PRKG1: variants seen among roughly 807,000 people sequenced by gnomAD.
The protein encoded by PRKG1 is cGMP-dependent protein kinase 1.
Under a neutral mutation model 88.1 loss-of-function variants are expected in PRKG1, and 35 were observed. The ratio of observed to expected loss-of-function variants is 0.40; its 90% confidence interval spans 0.30 to 0.53. The LOEUF is 0.53. Among genes scored for constraint, PRKG1 ranks in the 20% least tolerant of loss-of-function variants. The probability of loss-of-function intolerance (pLI) is 0.59; values close to 1 mark genes in which losing one functional copy is unlikely to be tolerated. For synonymous variants in PRKG1, 303 were observed against 292.5 expected (o/e 1.04, Z -0.37); for missense variants, 540 against 839.8 (o/e 0.64, Z 4.41).
At chr10:51,162,209 C>A (rs1032810345) in intron 2 of PRKG1, among the ~76,000 whole-genome samples, 1 of 152,290 alleles carries the variant, frequency 6.6e-6, no homozygotes, top group Non-Finnish European at 1.5e-5. Context: ...GGGGAGCTTA[C>A]TGGTGTGGCT....
At chr10:51,030,178 T>C (rs755866508) in intron 1 of PRKG1, among the ~76,000 whole-genome samples, 1 of 152,064 alleles carries the variant, frequency 6.6e-6, no homozygotes, top group Non-Finnish European at 1.5e-5. Flanking sequence ...TAGGGTCAAA[T>C]AAATACCAAT....
At chr10:51,288,242 C>T (rs1393573988) in intron 2 of PRKG1, among the ~76,000 whole-genome samples, 4 of 151,792 alleles carry the variant, frequency 2.6e-5, no homozygotes, top group Non-Finnish European at 1.5e-5. Flanking sequence ...GTGTGCTTTT[C>T]GGGAGTCACA....
At chr10:51,850,901 A>G (rs1040275232) in intron 4 of PRKG1, among the ~76,000 whole-genome samples, 2 of 152,082 alleles carry the variant, frequency 1.3e-5, no homozygotes, top group East Asian at 3.9e-4. Flanking sequence ...TGAAAAAAAG[A>G]CTCTACTGGA....
chr10:51,595,986 A>G (rs1237454643), intron 3 of PRKG1, among the ~76,000 whole-genome samples: 1 of 151,926 alleles, frequency 6.6e-6, no homozygotes, highest in Non-Finnish European at 1.5e-5. Flanking sequence ...GCCTGCCACC[A>G]TGCCCGGCTA....
intron 3 of PRKG1, among the ~76,000 whole-genome samples, chr10:51,713,447 T>C (rs900212578): frequency 6.6e-6 from 1 of 152,228 alleles, no homozygotes; most frequent in African/African-American, 2.4e-5. Context: ...TCTTTTCTAA[T>C]TTTTGATGGT....
intron 2 of PRKG1, among the ~76,000 whole-genome samples, chr10:51,393,723 G>A (rs1427681483): frequency 2.0e-5 from 3 of 152,130 alleles, no homozygotes; most frequent in Admixed American, 6.5e-5. Flanking sequence ...GGAGAGCAGT[G>A]CTACTATCAC....
In PRKG1 at chr10:51,388,717, CT is replaced by C. The variant is rs1184539072; in HGVS notation, c.479-79005del. ...AACATATTTTATAAAAACAAATTGT[CT>C]AGGAAAGTTGTCAGTAAACTCATGT... On this transcript the variant is annotated intron_variant, in intron 2 of 17. Coordinates refer to ENST00000373980, the MANE Select transcript of PRKG1 (RefSeq NM_006258.4). Among the ~76,000 whole-genome samples the C allele has an allele frequency of 1.3e-4, 20 of 152,234 alleles. 1 individual carries two copies. In the Middle Eastern group the frequency reaches 0.01, roughly 78 times the overall value.
chr10:51,685,917 T>C (rs1478716625), intron 3 of PRKG1, among the ~76,000 whole-genome samples: 1 of 152,128 alleles, frequency 6.6e-6, no homozygotes, highest in Non-Finnish European at 1.5e-5. Context: ...TCAGCCCTGG[T>C]CATTTGTGAG....
intron 2 of PRKG1, among the ~76,000 whole-genome samples, chr10:51,155,206 C>A (rs985771829): frequency 6.6e-6 from 1 of 152,030 alleles, no homozygotes. Flanking sequence ...AGTAGATTTC[C>A]AAACAACCAT....
At chr10:51,698,918 G>C in intron 3 of PRKG1, 16 of 1,614,226 alleles carry the variant, frequency 9.9e-6, no homozygotes, top group Non-Finnish European at 1.4e-5. Flanking sequence ...GCCAGGGCCA[G>C]AGACAGACAC....
intron 3 of PRKG1, among the ~76,000 whole-genome samples, chr10:51,558,597 T>G (rs1041564948): frequency 6.6e-6 from 1 of 152,050 alleles, no homozygotes; most frequent in African/African-American, 2.4e-5. Flanking sequence ...CCAAGTAGAA[T>G]AAGAGCAAAT....
chr10:52,250,146 T>C (rs1325037101), intron 9 of PRKG1, among the ~76,000 whole-genome samples: 1 of 152,188 alleles, frequency 6.6e-6, no homozygotes, highest in African/African-American at 2.4e-5. Flanking sequence ...TCCATTCTAG[T>C]AAACCATCTC....
intron 1 of PRKG1, among the ~76,000 whole-genome samples, chr10:51,046,390 G>C (rs931183105): frequency 6.6e-6 from 1 of 152,210 alleles, no homozygotes; most frequent in Non-Finnish European, 1.5e-5. Context: ...AGAGAAGGCA[G>C]TGCTGGCATA....
rs77156819 is a variant in PRKG1 at position 51,875,983 on chromosome 10, C to T, written c.699-31524C>T. On this transcript the variant is annotated intron_variant, in intron 4 of 17. Coordinates refer to ENST00000373980, the MANE Select transcript of PRKG1 (RefSeq NM_006258.4). ...TTTTTTTCTTTTTCAGAGCACATGC[C>T]GTCAATGACACAGCACCCTTTACCT... Among the ~76,000 whole-genome samples, 815 of 151,262 alleles carry T rather than the reference C, an allele frequency of 5.4e-3. 7 individuals carry two copies. The highest frequency in any genetic ancestry group is 0.019 in the African/African-American group (780 of 41,182).
At chr10:52,037,883 G>A (rs1318008883) in intron 5 of PRKG1, among the ~76,000 whole-genome samples, 2 of 152,142 alleles carry the variant, frequency 1.3e-5, no homozygotes, top group African/African-American at 2.4e-5. Context: ...ACTCAGCGAT[G>A]CTTGGGGTTG....
Position 50,991,034 on chromosome 10 carries a change from A to G in PRKG1, c.-345A>G, listed in dbSNP as rs186127402. ...ACGGAGTGACTAGGAGAGGGGGACG[A>G]GGGAGGGGGTCTCAGGGGAGGAAGG... On this transcript the variant is annotated 5_prime_UTR_variant, in exon 1 of 18. Transcript: ENST00000401604. This position sits in a 1 kb window ranked among gnomAD's most constrained non-coding sequence, Gnocchi z 4.5. The G allele has an allele frequency of 0.016, 3,603 of 226,654 alleles. 54 individuals carry two copies. The highest frequency in any genetic ancestry group is 0.035 in the African/African-American group (1,462 of 41,888). The allele number at this position is 226,654 out of a possible 1,614,324, so 14.0% of individuals were successfully genotyped here.
intron 1 of PRKG1, among the ~76,000 whole-genome samples, chr10:51,126,236 ATTATATATTTATAATTATTTATATAT>A (rs1386316616): frequency 8.7e-6 from 1 of 115,174 alleles, no homozygotes; most frequent in East Asian, 2.6e-4. Flanking sequence ...TATATTTATA[ATTATATATTTATAATTATTTATATAT>A]TTATTTATAA....
In PRKG1 at chr10:51,907,563, T is replaced by G; in HGVS notation, c.755T>G (p.Leu252Arg). The change falls in exon 5 of 18, where the codon CTT becomes CGT. Residue 252 changes from leucine to arginine, a missense_variant. This residue lies in a region of PRKG1 where 400 missense variants were observed against 562.7 expected (regional missense o/e 0.71). Transcript: ENST00000373980. ...ATCCTCAGCAAGCTTGCTGATGTCC[T>G]TGAAGAGGTAATTGTTTTTAGCCTT... ...EEILSKLADV[L>R]EETHYENGEY... is the part of the protein sequence containing the mutation. 1 of 1,613,498 alleles carries G rather than the reference T, an allele frequency of 6.2e-7. No homozygotes were observed. Among genetic ancestry groups the G allele is most frequent in the Non-Finnish European group, 8.5e-7 (1 of 1,179,562 alleles).
intron 3 of PRKG1, among the ~76,000 whole-genome samples, chr10:51,570,261 C>A (rs1360263708): frequency 1.3e-5 from 2 of 151,482 alleles, no homozygotes; most frequent in African/African-American, 4.9e-5. Flanking sequence ...CTACTAGTAG[C>A]CTACTGATGA....
Sources: gnomAD v4.1 joint callset for allele counts (sites outside exome capture counted in the v4.1 genomes callset) on GRCh38, gnomAD v4.1.1 for gene constraint, gnomAD v4.1.1 regional missense constraint, Gnocchi (gnomAD v3.1) non-coding constraint, MANE v1.5 for transcripts, NCBI Gene and HGNC (gene_info 2026-07-23, HGNC 2026-07-21) for gene names.